SND1: variants seen among roughly 807,000 people sequenced by gnomAD.
SND1 encodes staphylococcal nuclease and tudor domain containing 1.
SND1 carries 38 observed loss-of-function variants against 121.7 expected under a neutral mutation model. That is an observed-to-expected ratio of 0.31 (90% CI 0.24 to 0.41). The LOEUF (loss-of-function observed/expected upper bound fraction) is 0.41. Among genes scored for constraint, SND1 ranks in the 10% least tolerant of loss-of-function variants. The pLI is 1.00. For missense variants in SND1, 868 were observed against 1,184.6 expected (o/e 0.73, Z 3.92); for synonymous variants, 401 against 447.4 (o/e 0.90, Z 1.31).
In SND1 at chr7:128,029,560, C is replaced by T. The variant is rs1364392157; in HGVS notation, c.1779+38504C>T. On this transcript the variant is annotated intron_variant, in intron 16 of 23. Transcript: ENST00000354725. The surrounding 1 kb of genome is among the most constrained non-coding windows in gnomAD (Gnocchi z 4.2). ...ATCCGACCCTCAGAAATGTTGAGGT[C>T]TCGAGGTGCGTCCATGATGAAGGGG... 2.5e-6 allele frequency: 4 copies of T among 1,614,026 alleles called. No homozygotes were observed. In the African/African-American group the frequency reaches 5.3e-5, roughly 22 times the overall value.
intron 15 of SND1, among the ~76,000 whole-genome samples, chr7:127,964,469 A>G (rs1801809926): frequency 6.6e-6 from 1 of 150,716 alleles, no homozygotes; most frequent in South Asian, 2.1e-4. Context: ...AGCTTTCTAC[A>G]TATGGCTAGC....
intron 16 of SND1, among the ~76,000 whole-genome samples, chr7:128,061,662 A>G (rs1446518942): frequency 2.0e-5 from 3 of 152,256 alleles, no homozygotes; most frequent in African/African-American, 7.2e-5. Flanking sequence ...ATAAAAAACT[A>G]GCAGTGAGGA....
chr7:127,793,877 A>G (rs1797961885), intron 10 of SND1, among the ~76,000 whole-genome samples: 1 of 152,124 alleles, frequency 6.6e-6, no homozygotes, highest in Non-Finnish European at 1.5e-5. Flanking sequence ...CAACTGGAGA[A>G]AAGAACCCCA....
chr7:127,660,108 G>T (rs544198753), intron 1 of SND1, among the ~76,000 whole-genome samples: 22 of 151,540 alleles, frequency 1.5e-4, no homozygotes, highest in African/African-American at 5.1e-4. Flanking sequence ...GAGACTAAAT[G>T]ATTGAATGGT....
At chr7:127,997,286 A>G (rs1402933339) in intron 16 of SND1, among the ~76,000 whole-genome samples, 2 of 152,224 alleles carry the variant, frequency 1.3e-5, no homozygotes, top group East Asian at 1.9e-4. Context: ...CCATTTTTCA[A>G]CCATAGAATA....
intron 11 of SND1, among the ~76,000 whole-genome samples, chr7:127,835,324 G>A (rs543264529): frequency 1.3e-5 from 2 of 152,148 alleles, no homozygotes; most frequent in South Asian, 2.1e-4. Flanking sequence ...TGTGCTGCTT[G>A]TGTGGCTGGA....
In SND1 at chr7:128,029,877, C is replaced by T. The variant is rs1339727421; in HGVS notation, c.1779+38821C>T. ...GTCAAAAGCATTCCGCTCAATCAGG[C>T]TGACCTGTGAGTTCATGACCCAGAG... On this transcript the variant is annotated intron_variant, in intron 16 of 23. Transcript: ENST00000354725. The surrounding 1 kb of genome is among the most constrained non-coding windows in gnomAD (Gnocchi z 4.2). The T allele has an allele frequency of 1.9e-6, 3 of 1,613,398 alleles. No homozygotes were observed. Among genetic ancestry groups the T allele is most frequent in the East Asian group, 4.5e-5 (2 of 44,880 alleles).
chr7:127,701,385 G>A (rs761753379), intron 5 of SND1, 62 bp downstream of exon 5: 8 of 1,524,346 alleles, frequency 5.2e-6, no homozygotes, highest in Non-Finnish European at 7.1e-6. Context: ...TGCACTCTTT[G>A]CTTCTTGAGG....
intron 16 of SND1, among the ~76,000 whole-genome samples, chr7:128,037,677 GA>G (rs1488668764): frequency 2.0e-5 from 3 of 152,158 alleles, no homozygotes; most frequent in Admixed American, 2.0e-4. Flanking sequence ...CTGTGCCTGT[GA>G]AGGGTAGGGG....
chr7:127,859,189 G>A (rs377165282), intron 12 of SND1, among the ~76,000 whole-genome samples: 2 of 152,218 alleles, frequency 1.3e-5, no homozygotes, highest in East Asian at 3.9e-4. Flanking sequence ...GGATATGTAG[G>A]CTTGGTTTTG....
chr7:128,076,746 C>A (rs1170364367), intron 17 of SND1, among the ~76,000 whole-genome samples: 2 of 152,210 alleles, frequency 1.3e-5, no homozygotes, highest in Non-Finnish European at 2.9e-5. Context: ...AAAGGTAATG[C>A]TGAGGGATTC....
intron 13 of SND1, among the ~76,000 whole-genome samples, chr7:127,898,917 T>C (rs1800170468): frequency 6.6e-6 from 1 of 152,176 alleles, no homozygotes; most frequent in Non-Finnish European, 1.5e-5. Flanking sequence ...CCCTGGAGCA[T>C]AGATCATGAA....
At chr7:127,857,183 CTTTTTTTTTTTTT>C (rs71522259) in intron 12 of SND1, among the ~76,000 whole-genome samples, 3 of 67,944 alleles carry the variant, frequency 4.4e-5, no homozygotes, top group Non-Finnish European at 5.9e-5. Flanking sequence ...AATGTCAACA[CTTTTTTTTTTTTT>C]TTTTTTTTTT....
chr7:128,027,344 G>A (rs1370317030), intron 16 of SND1: 1 of 151,978 alleles, frequency 6.6e-6, no homozygotes, highest in Non-Finnish European at 1.5e-5. Context: ...TCCCATCAGT[G>A]TGCTCCATTC....
chr7:127,715,530 G>A (rs1796371497), intron 9 of SND1, among the ~76,000 whole-genome samples: 1 of 152,024 alleles, frequency 6.6e-6, no homozygotes, highest in South Asian at 2.1e-4. Context: ...TAGTCCATGT[G>A]TACCCAGTGC....
At chr7:128,037,318 C>T (rs138300467) in intron 16 of SND1, among the ~76,000 whole-genome samples, 1 of 152,304 alleles carries the variant, frequency 6.6e-6, no homozygotes, top group East Asian at 1.9e-4. Flanking sequence ...TCCATGGCCA[C>T]ATTGCCTTCT....
At chr7:128,020,420 G>T (rs551178597) in intron 16 of SND1, among the ~76,000 whole-genome samples, 1 of 152,190 alleles carries the variant, frequency 6.6e-6, no homozygotes, top group African/African-American at 2.4e-5. Context: ...GCGCTAGGTC[G>T]CGAACCCAGA....
At chr7:128,078,718 C>T (rs917842019) in intron 17 of SND1, among the ~76,000 whole-genome samples, 1 of 152,282 alleles carries the variant, frequency 6.6e-6, no homozygotes, top group African/African-American at 2.4e-5. Context: ...TTTCTGCTTT[C>T]ATCCTGTGTG....
chr7:127,900,110 T>C (rs1342467300), intron 13 of SND1, among the ~76,000 whole-genome samples: 1 of 152,212 alleles, frequency 6.6e-6, no homozygotes, highest in Non-Finnish European at 1.5e-5. Flanking sequence ...AAAACTCTGT[T>C]GAAAGCTCCT....
Sources: allele counts gnomAD v4.1 joint callset (sites outside exome capture counted in the v4.1 genomes callset), GRCh38; gene constraint gnomAD v4.1.1; non-coding constraint Gnocchi (gnomAD v3.1); transcripts MANE v1.5; gene names NCBI Gene and HGNC (gene_info 2026-07-23, HGNC 2026-07-21).